The following CCDC60 variants were observed in gnomAD, a reference collection of about 807,000 sequenced individuals.
CCDC60 encodes the protein coiled-coil domain containing 60.
Under a neutral mutation model 63.5 loss-of-function variants are expected in CCDC60, and 54 were observed. The observed-to-expected ratio is 0.85, with a 90% CI of 0.68 to 1.07. The LOEUF is 1.07. CCDC60 is among the 50% of genes least tolerant of loss of function. CCDC60 has a pLI of 0.00. For synonymous variants in CCDC60, 206 were observed against 238.8 expected, an observed-to-expected ratio of 0.86 and a Z score of 1.27; for missense variants, 651 against 684.3, an observed-to-expected ratio of 0.95 and a Z score of 0.54.
rs57377808 is a variant in CCDC60, at chr12:119,488,584, A to C, written c.450-175A>C. On this transcript the variant is annotated intron_variant, in intron 4 of 13. Transcript: ENST00000327554. ...TGTAAAATGGGCTACAGAATATCTCATGGGCCCATTGCAAAGGCCAAATGA... is the reference window on the plus strand; with the variant it reads ...TGTAAAATGGGCTACAGAATATCTCCTGGGCCCATTGCAAAGGCCAAATGA... 4.8e-3 allele frequency among the ~76,000 whole-genome samples: 727 copies of C among 152,296 alleles called. 7 individuals carry two copies. The highest frequency in any genetic ancestry group is 0.017 in the African/African-American group (687 of 41,554).
chr12:119,363,082 A>G (rs540517824), intron 1 of CCDC60, among the ~76,000 whole-genome samples: 1 of 152,226 alleles, frequency 6.6e-6, no homozygotes, highest in South Asian at 2.1e-4. Context: ...TGGGCGAGAC[A>G]GCCAGTCTCC....
intron 2 of CCDC60, among the ~76,000 whole-genome samples, chr12:119,450,640 C>A (rs1423160068): frequency 6.6e-6 from 1 of 152,094 alleles, no homozygotes; most frequent in Non-Finnish European, 1.5e-5. Flanking sequence ...GGGCGGATCA[C>A]AAGGTCAAGA....
Position 119,488,635 on chromosome 12 carries a change from A to G in CCDC60, c.450-124A>G, listed in dbSNP as rs1224677905. On this transcript the variant is annotated intron_variant, in intron 4 of 13. Transcript: ENST00000327554. ...GATGATACATGCAAAATACTTGCGC[A>G]TGCCTGGAGCATGGTGCCTGCTCCC... 31 of 746,698 alleles carry G rather than the reference A, an allele frequency of 4.2e-5. No homozygotes were observed. The East Asian group carries it at 6.9e-4, about 17-fold the overall frequency. 46.3% of individuals were successfully genotyped at this position (746,698 alleles called of 1,614,324 possible).
At chr12:119,404,611 C>T (rs915106910) in intron 1 of CCDC60, among the ~76,000 whole-genome samples, 2 of 152,296 alleles carry the variant, frequency 1.3e-5, no homozygotes, top group Non-Finnish European at 1.5e-5. Flanking sequence ...GAGCAAGGAG[C>T]AAGGCACCAA....
At chr12:119,428,987 A>C in intron 2 of CCDC60, 1 of 378,280 alleles carries the variant, frequency 2.6e-6, no homozygotes, top group Non-Finnish European at 4.8e-6. Flanking sequence ...GCCGCCTAGA[A>C]TTCCCTCTGC....
intron 1 of CCDC60, among the ~76,000 whole-genome samples, chr12:119,347,575 C>T (rs567369358): frequency 6.6e-6 from 1 of 152,318 alleles, no homozygotes; most frequent in East Asian, 1.9e-4. Flanking sequence ...ATATTCTCGT[C>T]TCTATTCTCA....
chr12:119,342,968 A>G (rs925527725), intron 1 of CCDC60, among the ~76,000 whole-genome samples: 1 of 152,244 alleles, frequency 6.6e-6, no homozygotes, highest in Non-Finnish European at 1.5e-5. Context: ...CACAGCCATC[A>G]GCTGTTAAAT....
chr12:119,526,285 T>C (rs1167021149), intron 11 of CCDC60, among the ~76,000 whole-genome samples: 3 of 152,174 alleles, frequency 2.0e-5, no homozygotes, highest in South Asian at 2.1e-4. Flanking sequence ...AAGACTTAAA[T>C]GTAAAACCCA....
intron 1 of CCDC60, among the ~76,000 whole-genome samples, chr12:119,388,682 T>C (rs1162276476): frequency 6.6e-6 from 1 of 152,252 alleles, no homozygotes; most frequent in Non-Finnish European, 1.5e-5. Context: ...TGGAAACACA[T>C]ATAATCAAGA....
intron 1 of CCDC60, among the ~76,000 whole-genome samples, chr12:119,409,215 G>A (rs1483618083): frequency 6.6e-6 from 1 of 152,064 alleles, no homozygotes; most frequent in Non-Finnish European, 1.5e-5. Context: ...TGGGTGCCCC[G>A]GGATCTCCAG....
intron 1 of CCDC60, among the ~76,000 whole-genome samples, chr12:119,396,893 G>A (rs772552992): frequency 3.3e-4 from 50 of 152,148 alleles, no homozygotes; most frequent in Non-Finnish European, 5.9e-4. Flanking sequence ...ATGAAGTCAC[G>A]GACCCTCGCA....
intron 1 of CCDC60, among the ~76,000 whole-genome samples, chr12:119,427,746 G>T (rs565496451): frequency 6.6e-6 from 1 of 151,988 alleles, no homozygotes; most frequent in Non-Finnish European, 1.5e-5. Flanking sequence ...AAATCCTAAG[G>T]TGCAGGAAAA....
chr12:119,432,028 C>T (rs535926567), intron 2 of CCDC60, among the ~76,000 whole-genome samples: 4 of 152,280 alleles, frequency 2.6e-5, no homozygotes, highest in East Asian at 1.9e-4. Flanking sequence ...GTTCAGCTTA[C>T]GCCCAGGAAT....
At chr12:119,383,854 TG>T (rs1593006420) in intron 1 of CCDC60, among the ~76,000 whole-genome samples, 1 of 152,106 alleles carries the variant, frequency 6.6e-6, no homozygotes. Flanking sequence ...TGAAAAGACT[TG>T]GGGTGTCCAT....
At chr12:119,475,575 G>T (rs777594860) in intron 3 of CCDC60, among the ~76,000 whole-genome samples, 1 of 152,274 alleles carries the variant, frequency 6.6e-6, no homozygotes, top group African/African-American at 2.4e-5. Flanking sequence ...TCAAATGCGC[G>T]GGTGGGAGGG....
chr12:119,491,847 T>A (rs1593166952), intron 5 of CCDC60, among the ~76,000 whole-genome samples: 1 of 152,226 alleles, frequency 6.6e-6, no homozygotes, highest in African/African-American at 2.4e-5. Context: ...TGGGCACCCA[T>A]TCTCCAAAAC....
chr12:119,379,050 T>C (rs1157814262), intron 1 of CCDC60, among the ~76,000 whole-genome samples: 2 of 152,218 alleles, frequency 1.3e-5, no homozygotes, highest in Non-Finnish European at 2.9e-5. Flanking sequence ...AGCCCCCAGC[T>C]CGGCCTGGCT....
At chr12:119,349,263 A>AT (rs1167341391) in intron 1 of CCDC60, among the ~76,000 whole-genome samples, 2 of 151,972 alleles carry the variant, frequency 1.3e-5, no homozygotes, top group East Asian at 3.8e-4. Flanking sequence ...GATAGAAAAA[A>AT]CATTGACTGC....
rs775473720 is a variant in CCDC60, at chr12:119,520,157, T to C, written c.1005T>C (p.Ser335=). The change falls in exon 9 of 14, where the codon TCT becomes TCC. Residue 335 remains serine (S), a synonymous_variant. Coordinates refer to ENST00000327554, the MANE Select transcript of CCDC60 (RefSeq NM_178499.5). The part of the protein sequence containing the change: ...LSVLKQNKSN[S]AYKEMQTTLK... ...TGCTGAAACAAAACAAGAGTAATTC[T>C]GCTTATAAGGAAATGCAGACCACTC... 6.2e-7 allele frequency: 1 copy of C among 1,613,868 alleles called. No homozygotes were observed. The highest frequency in any genetic ancestry group is 1.1e-5 in the South Asian group (1 of 90,978).
Sources: gnomAD v4.1 joint callset for allele counts (sites outside exome capture counted in the v4.1 genomes callset) on GRCh38, gnomAD v4.1.1 for gene constraint, MANE v1.5 for transcripts, NCBI Gene and HGNC (gene_info 2026-07-23, HGNC 2026-07-21) for gene names.